Variants in CHODL observed in about 807,000 individuals in gnomAD.
CHODL encodes the protein chondrolectin.
CHODL carries 29 observed loss-of-function variants against 34.5 expected under a neutral mutation model. The ratio of observed to expected loss-of-function variants is 0.84; its 90% CI spans 0.63 to 1.15. The LOEUF is 1.15. Ranked by LOEUF, CHODL falls within the 50% of genes most tolerant of loss-of-function variation. CHODL has a pLI of 0.00. For missense variants in CHODL, 332 were observed against 332.5 expected (o/e 1.00, Z 0.01); for synonymous variants, 125 against 116.1 (o/e 1.08, Z -0.49).
chr21:18,226,591 G>A (rs957246194), intron 2 of CHODL, among the ~76,000 whole-genome samples: 8 of 151,930 alleles, frequency 5.3e-5, no homozygotes, highest in Non-Finnish European at 1.2e-4. Context: ...GAGCCACCAC[G>A]TTTGGCCATG....
chr21:17,955,354 G>T (rs1478372894), intron 1 of CHODL, among the ~76,000 whole-genome samples: 1 of 136,930 alleles, frequency 7.3e-6, no homozygotes. Flanking sequence ...GTTTTCCTGA[G>T]AAAAACCCTG....
chr21:18,249,136 A>AATAT (rs1246825482), intron 1 of CHODL, among the ~76,000 whole-genome samples: 2 of 134,258 alleles, frequency 1.5e-5, no homozygotes, highest in South Asian at 2.2e-4. Context: ...CATATATAAT[A>AATAT]ATATATATAT....
At chr21:17,960,183 C>A (rs1410252107) in intron 1 of CHODL, among the ~76,000 whole-genome samples, 1 of 152,178 alleles carries the variant, frequency 6.6e-6, no homozygotes, top group Non-Finnish European at 1.5e-5. Flanking sequence ...TAAAACCCTG[C>A]ACACACTTGG....
intron 2 of CHODL, among the ~76,000 whole-genome samples, chr21:18,105,854 G>A (rs2065266433): frequency 6.6e-6 from 1 of 152,130 alleles, no homozygotes; most frequent in African/African-American, 2.4e-5. Flanking sequence ...TTTCACCAAG[G>A]TTTGGGTGAT....
At chr21:18,159,056 T>C (rs2073066478) in intron 2 of CHODL, among the ~76,000 whole-genome samples, 2 of 152,168 alleles carry the variant, frequency 1.3e-5, no homozygotes, top group South Asian at 4.1e-4. Flanking sequence ...TAATACATTT[T>C]AGTTTGGAGC....
chr21:18,011,477 A>G (rs898991014), intron 1 of CHODL, among the ~76,000 whole-genome samples: 1 of 152,232 alleles, frequency 6.6e-6, no homozygotes, highest in African/African-American at 2.4e-5. Context: ...TTTAGGGGAA[A>G]GAATATAAAG....
chr21:18,247,394 C>CCTACCGCAAAAAT (rs2074154246), intron 1 of CHODL, among the ~76,000 whole-genome samples: 1 of 152,108 alleles, frequency 6.6e-6, no homozygotes, highest in African/African-American at 2.4e-5. Flanking sequence ...CTCAAATAAT[C>CCTACCGCAAAAAT]ACTGACCGCA....
At chr21:17,923,697 G>A (rs770013132) in intron 1 of CHODL, among the ~76,000 whole-genome samples, 6 of 152,112 alleles carry the variant, frequency 3.9e-5, no homozygotes, top group East Asian at 3.9e-4. Context: ...TCCTGACCTC[G>A]TGATTCGCCC....
chr21:18,042,278 C>G (rs1392965249), intron 2 of CHODL, among the ~76,000 whole-genome samples: 3 of 151,848 alleles, frequency 2.0e-5, no homozygotes, highest in Non-Finnish European at 4.4e-5. Flanking sequence ...AATGGACCCC[C>G]TTCTCCCCAC....
In CHODL at chr21:18,256,536, A is replaced by G; in HGVS notation, c.107A>G (p.Lys36Arg). ...CAAAAGGTGTGTTTTGCTGACTTCA[A>G]GCATCCCTGCTACAAAATGGCCTAC... Reference protein sequence around the residue: ...SGQKVCFADFKHPCYKMAYFH... With the variant: ...SGQKVCFADFRHPCYKMAYFH... Residue 36 changes from lysine to arginine, a missense_variant, in exon 2 of 6, where the codon AAG becomes AGG. By Grantham distance (26) the Lys-to-Arg change is conservative. Coordinates refer to ENST00000299295, the MANE Select transcript of CHODL (RefSeq NM_024944.3). The G allele has an allele frequency of 6.2e-7, 1 of 1,612,890 alleles. No individual in the cohort carries two copies. Among genetic ancestry groups the G allele is most frequent in the Non-Finnish European group, 8.5e-7 (1 of 1,179,332 alleles).
chr21:18,031,517 A>G (rs2064247483), intron 2 of CHODL, among the ~76,000 whole-genome samples: 1 of 152,066 alleles, frequency 6.6e-6, no homozygotes, highest in Non-Finnish European at 1.5e-5. Flanking sequence ...TTTATTTGCC[A>G]AAATTATGAA....
Position 18,008,577 on chromosome 21 carries a change from C to G in CHODL, c.-144-19295C>G, listed in dbSNP as rs116609537. 7.8e-3 allele frequency among the ~76,000 whole-genome samples: 1,185 copies of G among 152,184 alleles called. 10 individuals carry two copies. The highest frequency in any genetic ancestry group is 0.023 in the African/African-American group (935 of 41,516). On this transcript the variant is annotated intron_variant, in intron 1 of 6. Coordinates refer to the CHODL transcript ENST00000400127. ...CTATGAGTTTCACTGTTTTAGAGAT[C>G]TCATGTAAGTGGAATCCTGCAGTAT...
chr21:18,232,186 C>T (rs940684176), intron 2 of CHODL, among the ~76,000 whole-genome samples: 1 of 152,046 alleles, frequency 6.6e-6, no homozygotes, highest in African/African-American at 2.4e-5. Flanking sequence ...AAATTATTCA[C>T]TATTTTATTG....
intron 2 of CHODL, among the ~76,000 whole-genome samples, chr21:18,133,526 C>A (rs1410800187): frequency 1.3e-5 from 2 of 152,082 alleles, no homozygotes; most frequent in Non-Finnish European, 2.9e-5. Context: ...TATCTTGTAT[C>A]CACTTTTATT....
At chr21:18,233,598 T>A (rs897532227) in intron 2 of CHODL, among the ~76,000 whole-genome samples, 6 of 152,122 alleles carry the variant, frequency 3.9e-5, no homozygotes, top group African/African-American at 1.4e-4. Context: ...GATAACATTA[T>A]CCAGTGTGAA....
intron 2 of CHODL, among the ~76,000 whole-genome samples, chr21:18,166,059 T>C (rs909258): frequency 0.95 from 144,209 of 152,254 alleles, 68,440 homozygotes; most frequent in Non-Finnish European, 0.98. Flanking sequence ...AAGCTGGAAT[T>C]AAGCTGTCAG....
At chr21:18,080,688 A>G (rs911673340) in intron 2 of CHODL, among the ~76,000 whole-genome samples, 1 of 152,178 alleles carries the variant, frequency 6.6e-6, no homozygotes, top group Non-Finnish European at 1.5e-5. Flanking sequence ...CCATTGATCT[A>G]TGTGACTATT....
chr21:17,943,150 G>T (rs1271787138), intron 1 of CHODL, among the ~76,000 whole-genome samples: 1 of 152,144 alleles, frequency 6.6e-6, no homozygotes, highest in Non-Finnish European at 1.5e-5. Context: ...TAATATAGAA[G>T]ATTTGATTAA....
intron 2 of CHODL, among the ~76,000 whole-genome samples, chr21:18,098,797 C>T (rs998384160): frequency 6.6e-6 from 1 of 152,034 alleles, no homozygotes; most frequent in Non-Finnish European, 1.5e-5. Context: ...CAGCACTGCT[C>T]ACAGTAGCCA....
Sources: gnomAD v4.1 joint callset for allele counts (sites outside exome capture counted in the v4.1 genomes callset) on GRCh38, gnomAD v4.1.1 for gene constraint, MANE v1.5 for transcripts, NCBI Gene and HGNC (gene_info 2026-07-23, HGNC 2026-07-21) for gene names.